KLC3: variants seen among roughly 807,000 people sequenced by gnomAD.
KLC3 encodes kinesin light chain 3.
A neutral mutation model predicts 62.9 loss-of-function variants in KLC3; 72 were observed. That is an observed-to-expected ratio of 1.15 (90% CI 0.95 to 1.39). The LOEUF is 1.39. Among genes scored for constraint, KLC3 ranks in the 40% most tolerant of loss-of-function variants. KLC3 has a pLI of 0.00. For synonymous variants in KLC3, 377 were observed against 300.5 expected, an observed-to-expected ratio of 1.25 and a Z score of -2.63; for missense variants, 848 against 691.6, an observed-to-expected ratio of 1.23 and a Z score of -2.54.
intron 1 of KLC3, among the ~76,000 whole-genome samples, chr19:45,341,600 AGT>A (rs987462389): frequency 4.8e-4 from 59 of 121,996 alleles, no homozygotes; most frequent in African/African-American, 1.5e-3. Context: ...TGTGGTGGAC[AGT>A]GTGGCACTGG....
chr19:45,350,864 A>T, intron 11 of KLC3, 90 bp from the exon 12 acceptor site: 3 of 1,479,328 alleles, frequency 2.0e-6, no homozygotes, highest in Non-Finnish European at 2.8e-6. Flanking sequence ...CCTGTGATAC[A>T]CACAGATCAA....
At chr19:45,341,802 T>TGTGTGTGTAG (rs139012889) in intron 1 of KLC3, among the ~76,000 whole-genome samples, 47 of 137,256 alleles carry the variant, frequency 3.4e-4, no homozygotes, top group African/African-American at 1.1e-3. Context: ...TGTGTGTGTG[T>TGTGTGTGTAG]AGAGAGGAAC....
chr19:45,346,779 C>A lies in KLC3; in HGVS notation c.489+5C>A. ...GACCCACCGGCGGAGAGCCAGGTGC[C>A]ACGGGCAGGGCGAGGCGGGGGGTGC... On this transcript the variant is annotated splice_donor_5th_base_variant and intron_variant, in intron 3 of 12. Coordinates refer to ENST00000391946, the MANE Select transcript of KLC3 (RefSeq NM_177417.3). 6.4e-7 allele frequency: 1 copy of A among 1,568,494 alleles called. No individual in the cohort carries two copies.
In KLC3 at chr19:45,340,782, G is replaced by T. The variant is rs955038870; in HGVS notation, c.-73G>T. 3 of 152,078 alleles carry T rather than the reference G, an allele frequency of 2.0e-5. No homozygotes were observed. The highest frequency in any genetic ancestry group is 2.9e-5 in the Non-Finnish European group (2 of 67,972). The allele number at this position is 152,078 out of a possible 1,614,324, so 9.4% of individuals were successfully genotyped here. Reference sequence around the variant, plus strand: ...CGGCGCAGCGGGAGCGGCGGGGCGTGCCTGGCCTGCGGGACGCGACTGATC... The same window carrying T: ...CGGCGCAGCGGGAGCGGCGGGGCGTTCCTGGCCTGCGGGACGCGACTGATC... On this transcript the variant is annotated 5_prime_UTR_variant, in exon 1 of 13. Transcript: ENST00000391946.
chr19:45,351,123 G>T (rs1355652493), intron 12 of KLC3, 106 bp downstream of exon 12: 1 of 1,605,600 alleles, frequency 6.2e-7, no homozygotes, highest in Non-Finnish European at 8.5e-7. Flanking sequence ...CAGGTGGTGG[G>T]TTGGTGTCAG....
rs781597636 is a variant in KLC3 at position 45,347,443 on chromosome 19, G to A, written c.490-4G>A. On this transcript the variant is annotated splice_region_variant and splice_polypyrimidine_tract_variant and intron_variant, in intron 3 of 12. Coordinates refer to ENST00000391946, the MANE Select transcript of KLC3 (RefSeq NM_177417.3). ...CCCGGCCCCCCACTTTCCTGTCTCT[G>A]CAGCAGTCTGAGTCCCCGCCTCGCC... 22 of 1,610,800 alleles carry A rather than the reference G, an allele frequency of 1.4e-5. No individual in the cohort carries two copies. The highest frequency in any genetic ancestry group is 1.6e-5 in the Non-Finnish European group (19 of 1,178,550).
Position 45,347,462 on chromosome 19 carries a change from C to A in KLC3, c.505C>A (p.Pro169Thr). 1 of 1,612,558 alleles carries A rather than the reference C, an allele frequency of 6.2e-7. No homozygotes were observed. ...PAESQQSESP[P>T]RRDSLASLFP... The stretch of plus-strand genomic sequence containing the variant: ...GTCTCTGCAGCAGTCTGAGTCCCCG[C>A]CTCGCCGAGACAGCCTGGCCTCCCT... The change falls in exon 4 of 13, where the codon CCT becomes ACT. Residue 169 changes from proline (P) to threonine (T), a missense_variant. Transcript: ENST00000391946.
chr19:45,346,423 G>C, intron 2 of KLC3, 121 bp from the exon 3 acceptor site: 1 of 858,062 alleles, frequency 1.2e-6, no homozygotes, highest in Non-Finnish European at 1.7e-6. Flanking sequence ...AGTCTCTGCA[G>C]AATCTGGGGG....
rs553660122 is a variant in KLC3, at chr19:45,349,697, G to T, written c.1143+95G>T. ...GATACAGGGTGAGCAACGTGAGGGT[G>T]GGGGGGGGCCCCCCAGGCCGGGCCC... On this transcript the variant is annotated intron_variant, in intron 8 of 12. Transcript: ENST00000391946. The T allele has an allele frequency of 9.2e-5, 60 of 649,758 alleles. 5 individuals carry two copies. Among genetic ancestry groups the T allele is most frequent in the Middle Eastern group, 5.3e-4 (1 of 1,870 alleles). 40.2% of individuals were successfully genotyped at this position (649,758 alleles called of 1,614,324 possible). A position where few individuals can be genotyped will look rare whatever the true frequency, so the allele number is the denominator to read the frequency against.
chr19:45,351,106 G>A, intron 12 of KLC3, 89 bp downstream of exon 12: 5 of 1,608,374 alleles, frequency 3.1e-6, no homozygotes, highest in Non-Finnish European at 3.4e-6. Context: ...GCCAGTGGTG[G>A]AGTCAGCAGG....
At position 45,341,988 on chromosome 19, in the gene KLC3, T is replaced by C. The variant is rs574990187; in HGVS notation, c.-9+1142T>C. 4.6e-5 allele frequency among the ~76,000 whole-genome samples: 7 copies of C among 152,050 alleles called. No individual in the cohort carries two copies. The South Asian group carries it at 1.5e-3, about 32-fold the overall frequency. The stretch of plus-strand genomic sequence containing the variant: ...GTGTGTGGGACTGTGCCTATGATTA[T>C]CAGCTGTGCGGTTGTGCACCCGGGG... On this transcript the variant is annotated intron_variant, in intron 1 of 12. Transcript: ENST00000391946.
rs1308461192 is a variant in KLC3, at chr19:45,351,337, C to T, written c.1495C>T (p.Gln499Ter). 5 of 1,611,936 alleles carry T rather than the reference C, an allele frequency of 3.1e-6. No individual in the cohort carries two copies. The African/African-American group carries it at 4.0e-5, about 13-fold the overall frequency. Reference sequence around the variant, plus strand: ...CCCTCGGACCCTCAGCGCCAGCACCCAGGACCTGAGCCCCCACTAACGTCC... The same window carrying T: ...CCCTCGGACCCTCAGCGCCAGCACCTAGGACCTGAGCCCCCACTAACGTCC... ...KAPRTLSAST[Q>*]DLSPH The change falls in exon 13 of 13, where the codon CAG (glutamine) becomes TAG (stop). Residue 499 changes from glutamine to a stop codon, truncating the protein, a stop_gained. Coordinates refer to ENST00000391946, the MANE Select transcript of KLC3 (RefSeq NM_177417.3). LOFTEE classifies it high-confidence loss of function.
At chr19:45,347,272 G>T (rs1454909244) in intron 3 of KLC3, 175 bp from the exon 4 acceptor site, 1 of 566,928 alleles carries the variant, frequency 1.8e-6, no homozygotes, top group Non-Finnish European at 3.1e-6. Context: ...AACCCAGGAG[G>T]TGGAGGTTGC....
At position 45,350,425 on chromosome 19, in the gene KLC3, CCT is replaced by C. The variant is rs780855888; in HGVS notation, c.1232_1233del (p.Leu411ArgfsTer10). On this transcript the variant is annotated frameshift_variant, in exon 9 of 13. Transcript: ENST00000391946. LOFTEE classifies it high-confidence loss of function. The part of the protein sequence containing the change: ...EILHKEDLPA[P>X]LGAPNTGTAG... ...CCTCCACAAGGAGGACCTACCCGCCCCTCTCGGTGAGCCCCTAGCCCCTGTCT... is the reference window on the plus strand; with the variant it reads ...CCTCCACAAGGAGGACCTACCCGCCCCTCGGTGAGCCCCTAGCCCCTGTCT... The C allele has an allele frequency of 2.1e-5, 34 of 1,613,596 alleles. No individual in the cohort carries two copies. Among genetic ancestry groups the C allele is most frequent in the South Asian group, 2.1e-4 (19 of 91,042 alleles).
At chr19:45,350,597 G>C in intron 10 of KLC3, 44 bp from the exon 11 acceptor site, 1 of 1,613,646 alleles carries the variant, frequency 6.2e-7, no homozygotes, top group Non-Finnish European at 8.5e-7. Context: ...CGTGGGGACT[G>C]CATGGGCCTG....
Position 45,341,186 on chromosome 19 carries a change from T to TGTGTGTGTG in KLC3, c.-9+340_-9+341insGTGTGTGTG, listed in dbSNP as rs1568519123. Among the ~76,000 whole-genome samples, 265 of 111,922 alleles carry TGTGTGTGTG rather than the reference T, an allele frequency of 2.4e-3. 2 individuals are homozygous for TGTGTGTGTG. Among genetic ancestry groups the TGTGTGTGTG allele is most frequent in the African/African-American group, 9.2e-3 (248 of 26,948 alleles). 73.4% of individuals were successfully genotyped at this position (111,922 alleles called of 152,430 possible). Reference sequence around the variant, plus strand: ...ATGGGAGTCTCCTGCCTGCCTGTGTTTGTGTGTGTGTGTGTGTGTGTGTGT... The same window carrying TGTGTGTGTG: ...ATGGGAGTCTCCTGCCTGCCTGTGTTGTGTGTGTGTGTGTGTGTGTGTGTGTGTGTGTGT... On this transcript the variant is annotated intron_variant, in intron 1 of 12. Transcript: ENST00000391946.
In KLC3 at chr19:45,347,817, G is replaced by A. The variant is rs147269702; in HGVS notation, c.560-124G>A. 1.9e-4 allele frequency: 148 copies of A among 793,246 alleles called. No homozygotes were observed. The African/African-American group carries it at 1.9e-3, about 10-fold the overall frequency. 49.1% of individuals were successfully genotyped at this position (793,246 alleles called of 1,614,324 possible). The stretch of plus-strand genomic sequence containing the variant: ...AGTGACTCCTATCTCAGAAGTTAGC[G>A]TGGGGGCCCATAGTCCCAGGGGCCA... On this transcript the variant is annotated intron_variant, in intron 4 of 12. Coordinates refer to ENST00000391946, the MANE Select transcript of KLC3 (RefSeq NM_177417.3).
rs549206609 is a variant in KLC3 at position 45,347,350 on chromosome 19, A to C, written c.490-97A>C. On this transcript the variant is annotated intron_variant, in intron 3 of 12. Transcript: ENST00000391946. ...AGCGAAACTCCGTCTCAAAAAAAAAAAAAAAACAAAAAAACAAAAACCTGA... is the reference window on the plus strand; with the variant it reads ...AGCGAAACTCCGTCTCAAAAAAAAACAAAAAACAAAAAAACAAAAACCTGA... 2.8e-4 allele frequency: 251 copies of C among 905,732 alleles called. 1 individual carries two copies. Among genetic ancestry groups the C allele is most frequent in the African/African-American group, 4.5e-4 (26 of 57,906 alleles). 56.1% of individuals were successfully genotyped at this position (905,732 alleles called of 1,614,324 possible).
In KLC3 at chr19:45,350,999, A is replaced by AT. The variant is rs1971735095; in HGVS notation, c.1425_1426insT (p.Arg476Ter). 1.2e-6 allele frequency: 2 copies of AT among 1,614,002 alleles called. No individual in the cohort carries two copies. Among genetic ancestry groups the AT allele is most frequent in the Non-Finnish European group, 1.7e-6 (2 of 1,180,032 alleles). Reference sequence around the variant, plus strand: ...TCAACACACTGAACGTGGATGCTCCAAGGGCTCCTGGGACTCAGGTGAGGG... The same window carrying AT: ...TCAACACACTGAACGTGGATGCTCCATAGGGCTCCTGGGACTCAGGTGAGGG... On this transcript the variant is annotated frameshift_variant, in exon 12 of 13. Transcript: ENST00000391946. LOFTEE classifies it high-confidence loss of function.
Sources: allele counts gnomAD v4.1 joint callset (sites outside exome capture counted in the v4.1 genomes callset), GRCh38; gene constraint gnomAD v4.1.1; transcripts MANE v1.5; gene names NCBI Gene and HGNC (gene_info 2026-07-23, HGNC 2026-07-21).